The following CABCOCO1 variants were observed in gnomAD, a reference collection of about 807,000 sequenced individuals.
CABCOCO1 encodes ciliary-associated calcium-binding coiled-coil protein 1.
A neutral mutation model predicts 35.7 loss-of-function variants in CABCOCO1; 28 were observed. That is an observed-to-expected ratio of 0.78 (90% CI 0.58 to 1.07). The LOEUF (loss-of-function observed/expected upper bound fraction) is 1.07. CABCOCO1 is among the 50% of genes least tolerant of loss of function. The pLI is 0.00. For synonymous variants in CABCOCO1, 95 were observed against 100.1 expected, an observed-to-expected ratio of 0.95 and a Z score of 0.30; for missense variants, 326 against 309.2, an observed-to-expected ratio of 1.05 and a Z score of -0.41.
At chr10:61,727,954 A>G (rs1273795049) in intron 5 of CABCOCO1, among the ~76,000 whole-genome samples, 1 of 152,230 alleles carries the variant, frequency 6.6e-6, no homozygotes, top group South Asian at 2.1e-4. Context: ...AAAGTGTTTT[A>G]TCAATGCCTG....
In CABCOCO1 at chr10:61,695,529, T is replaced by A. The variant is rs533115006; in HGVS notation, c.552+4908T>A. Among the ~76,000 whole-genome samples the A allele has an allele frequency of 1.1e-4, 17 of 152,160 alleles. No homozygotes were observed. In the East Asian group the frequency reaches 2.1e-3, roughly 19 times the overall value. ...AATACATGTAAATCTACACCAAACA[T>A]ATTACTTGAACCCAAAATACATGTA... On this transcript the variant is annotated intron_variant, in intron 5 of 7. Coordinates refer to ENST00000648843, the MANE Select transcript of CABCOCO1 (RefSeq NM_001366906.2).
At chr10:61,705,740 G>T (rs1042537845) in intron 5 of CABCOCO1, among the ~76,000 whole-genome samples, 4 of 152,210 alleles carry the variant, frequency 2.6e-5, no homozygotes, top group Non-Finnish European at 5.9e-5. Flanking sequence ...AGTGCAAAGG[G>T]AAGTGGAGTT....
rs529608876 is a variant in CABCOCO1 at position 61,726,886 on chromosome 10, C to T, written c.553-33173C>T. Among the ~76,000 whole-genome samples, 175 of 148,064 alleles carry T rather than the reference C, an allele frequency of 1.2e-3. 2 individuals carry two copies. Among genetic ancestry groups the T allele is most frequent in the Admixed American group, 9.1e-3 (133 of 14,678 alleles). ...CAGCCTGGCCAATATGGCAAAACCC[C>T]GTCTCTACAGAAAAAAAAAAAAAAA... On this transcript the variant is annotated intron_variant, in intron 5 of 7. Coordinates refer to ENST00000648843, the MANE Select transcript of CABCOCO1 (RefSeq NM_001366906.2).
intron 5 of CABCOCO1, among the ~76,000 whole-genome samples, chr10:61,743,624 G>T (rs1288158529): frequency 6.6e-6 from 1 of 152,080 alleles, no homozygotes; most frequent in African/African-American, 2.4e-5. Flanking sequence ...CCAAAGCTGG[G>T]GCTGAACCCA....
chr10:61,708,710 G>T (rs12572056), intron 5 of CABCOCO1, among the ~76,000 whole-genome samples: 8,890 of 152,108 alleles, frequency 0.058, 490 homozygotes, highest in East Asian at 0.19. Flanking sequence ...CATACCATAC[G>T]TTGGGGACTA....
chr10:61,717,817 T>G (rs1420633319), intron 5 of CABCOCO1, among the ~76,000 whole-genome samples: 1 of 152,044 alleles, frequency 6.6e-6, no homozygotes, highest in Non-Finnish European at 1.5e-5. Context: ...AGGGCAGAAT[T>G]TAGAAAGGTT....
intron 5 of CABCOCO1, among the ~76,000 whole-genome samples, chr10:61,705,716 C>G (rs1840577313): frequency 6.6e-6 from 1 of 152,198 alleles, no homozygotes; most frequent in African/African-American, 2.4e-5. Flanking sequence ...AACATGTTAA[C>G]TAGGCAAACA....
At chr10:61,696,761 C>A (rs1840307058) in intron 5 of CABCOCO1, among the ~76,000 whole-genome samples, 1 of 151,928 alleles carries the variant, frequency 6.6e-6, no homozygotes, top group African/African-American at 2.4e-5. Flanking sequence ...CAGTTGCAGC[C>A]CCCTAAAGTG....
intron 5 of CABCOCO1, among the ~76,000 whole-genome samples, chr10:61,738,776 A>C (rs1228498023): frequency 6.6e-6 from 1 of 152,226 alleles, no homozygotes; most frequent in Non-Finnish European, 1.5e-5. Context: ...ATCAAGCCCA[A>C]ATAACTTTGA....
intron 7 of CABCOCO1, among the ~76,000 whole-genome samples, chr10:61,763,949 C>A (rs1467517525): frequency 6.6e-6 from 1 of 152,030 alleles, no homozygotes; most frequent in Non-Finnish European, 1.5e-5. Flanking sequence ...TGTGACTGAA[C>A]TAAAGTACTA....
intron 5 of CABCOCO1, among the ~76,000 whole-genome samples, chr10:61,714,249 G>A (rs550683220): frequency 6.6e-6 from 1 of 152,310 alleles, no homozygotes; most frequent in South Asian, 2.1e-4. Context: ...GAGGGTCTAT[G>A]TGTCCAGGAA....
At chr10:61,734,109 C>T (rs1052176597) in intron 5 of CABCOCO1, among the ~76,000 whole-genome samples, 5 of 151,948 alleles carry the variant, frequency 3.3e-5, no homozygotes, top group East Asian at 1.9e-4. Flanking sequence ...CTACTTATTA[C>T]GTATTTATTT....
chr10:61,680,884 G>A (rs546435637), intron 2 of CABCOCO1, among the ~76,000 whole-genome samples: 28 of 150,720 alleles, frequency 1.9e-4, no homozygotes, highest in African/African-American at 6.1e-4. Context: ...AGAAAGAAGG[G>A]GAAGGGGAGA....
chr10:61,701,601 A>C, intron 5 of CABCOCO1: 10 of 975,690 alleles, frequency 1.0e-5, no homozygotes, highest in Non-Finnish European at 1.2e-5. Flanking sequence ...AAGAAAAATC[A>C]TCATGTTTCC....
intron 1 of CABCOCO1, among the ~76,000 whole-genome samples, chr10:61,671,804 C>A (rs183026862): frequency 1.3e-5 from 2 of 152,168 alleles, no homozygotes. Context: ...TGTCATTTAC[C>A]TGCCCAGAAA....
chr10:61,761,759 A>T (rs987289739), intron 7 of CABCOCO1, among the ~76,000 whole-genome samples: 2 of 152,156 alleles, frequency 1.3e-5, no homozygotes, highest in African/African-American at 4.8e-5. Flanking sequence ...TCAGGAGAAG[A>T]TTTAGTTGTC....
intron 2 of CABCOCO1, among the ~76,000 whole-genome samples, chr10:61,676,081 G>A (rs769665656): frequency 2.0e-5 from 3 of 152,108 alleles, no homozygotes; most frequent in Admixed American, 6.5e-5. Flanking sequence ...AGGTTAGTCT[G>A]CAAAAATCAG....
intron 5 of CABCOCO1, among the ~76,000 whole-genome samples, chr10:61,730,586 A>C (rs921013370): frequency 2.0e-5 from 3 of 152,088 alleles, no homozygotes; most frequent in African/African-American, 7.2e-5. Flanking sequence ...TGGTAGGTGT[A>C]AGTTTGGTAA....
intron 5 of CABCOCO1, among the ~76,000 whole-genome samples, chr10:61,706,554 A>G (rs764469637): frequency 2.6e-5 from 4 of 152,192 alleles, no homozygotes; most frequent in Non-Finnish European, 5.9e-5. Context: ...CTGCTTCCCA[A>G]ATGCGTTTTA....
Sources: allele counts gnomAD v4.1 joint callset (sites outside exome capture counted in the v4.1 genomes callset), GRCh38; gene constraint gnomAD v4.1.1; transcripts MANE v1.5; gene names NCBI Gene and HGNC (gene_info 2026-07-23, HGNC 2026-07-21).